Variants in FBXL7 observed in about 807,000 individuals in gnomAD.
FBXL7 encodes F-box/LRR-repeat protein 7.
A neutral mutation model predicts 38.3 loss-of-function variants in FBXL7; 12 were observed. The ratio of observed to expected loss-of-function variants is 0.31; its 90% confidence interval spans 0.20 to 0.51. FBXL7 has a LOEUF of 0.51. FBXL7 is among the 20% of genes least tolerant of loss of function. FBXL7 has a pLI of 0.98. For missense variants in FBXL7, 567 were observed against 676.4 expected (o/e 0.84, Z 1.79); for synonymous variants, 297 against 300.9 (o/e 0.99, Z 0.13).
intron 2 of FBXL7, among the ~76,000 whole-genome samples, chr5:15,710,629 T>G (rs1743835425): frequency 6.6e-6 from 1 of 152,210 alleles, no homozygotes; most frequent in South Asian, 2.1e-4. Flanking sequence ...CATTTTGTTT[T>G]GTGTGCCATA....
intron 2 of FBXL7, among the ~76,000 whole-genome samples, chr5:15,791,080 G>C (rs1012364708): frequency 6.9e-6 from 1 of 145,802 alleles, no homozygotes; most frequent in East Asian, 2.2e-4. Context: ...AAGGGGGGGG[G>C]GGGTTATTGC....
At chr5:15,787,440 G>A (rs1737160745) in intron 2 of FBXL7, among the ~76,000 whole-genome samples, 1 of 152,152 alleles carries the variant, frequency 6.6e-6, no homozygotes, top group African/African-American at 2.4e-5. Context: ...TGGGCCAGGA[G>A]GAGATTTCAG....
intron 2 of FBXL7, among the ~76,000 whole-genome samples, chr5:15,618,183 T>C (rs953457655): frequency 6.6e-6 from 1 of 152,162 alleles, no homozygotes; most frequent in Admixed American, 6.5e-5. Context: ...TTTGTCACAA[T>C]GTATTTTCTG....
rs1428809090 is a variant in FBXL7, at chr5:15,934,790, C to T, written c.740-1660C>T. 5.1e-4 allele frequency among the ~76,000 whole-genome samples: 78 copies of T among 152,170 alleles called. 1 individual carries two copies. ...TGGAAGACTCTTTTCCCTCTATAAA[C>T]CGCTCATTCATTCAACAGATACTTA... On this transcript the variant is annotated intron_variant, in intron 3 of 3. Transcript: ENST00000504595.
At chr5:15,855,429 AC>A (rs1418237763) in intron 2 of FBXL7, among the ~76,000 whole-genome samples, 3 of 152,128 alleles carry the variant, frequency 2.0e-5, no homozygotes, top group African/African-American at 7.2e-5. Flanking sequence ...CACAGTGGAC[AC>A]CCATACTTTT....
chr5:15,573,560 T>C (rs1738859241), intron 1 of FBXL7, among the ~76,000 whole-genome samples: 1 of 152,218 alleles, frequency 6.6e-6, no homozygotes, highest in African/African-American at 2.4e-5. Context: ...GAGGCATCAC[T>C]CAGTTTTACA....
rs563657942 is a variant in FBXL7 at position 15,939,233 on chromosome 5, G to A, written c.*2047G>A. On this transcript the variant is annotated 3_prime_UTR_variant, in exon 4 of 4. Transcript: ENST00000504595. ...TTAGCTAGGCCAGGATCTAGTGAAA[G>A]CCACAGAGTTTAAAACCATGAAAGA... is the stretch of plus-strand genomic sequence containing the variant. 1 of 394,634 alleles carries A rather than the reference G, an allele frequency of 2.5e-6. No homozygotes were observed. 24.4% of individuals were successfully genotyped at this position (394,634 alleles called of 1,614,324 possible).
In FBXL7 at chr5:15,927,949, A is replaced by C; in HGVS notation, c.187A>C (p.Asn63His). Residue 63 changes from asparagine (N) to histidine (H), a missense_variant, in exon 3 of 4, where the codon AAT becomes CAT. By Grantham distance (68) the Asn-to-His change is moderately conservative (BLOSUM62 1). Transcript: ENST00000504595. ...TPSPALICPPNLPGFQNGRGS... is the reference protein window; with the variant it reads ...TPSPALICPPHLPGFQNGRGS... ...CAGCCCAGCCCTGATATGTCCACCG[A>C]ATCTCCCAGGATTTCAGAATGGAAG... 1 of 1,566,470 alleles carries C rather than the reference A, an allele frequency of 6.4e-7. No individual in the cohort carries two copies. The highest frequency in any genetic ancestry group is 8.7e-7 in the Non-Finnish European group (1 of 1,154,682).
At position 15,712,686 on chromosome 5, in the gene FBXL7, A is replaced by G. The variant is rs115098497; in HGVS notation, c.127+96614A>G. The stretch of plus-strand genomic sequence containing the variant: ...AGCTACTGGCAATAAAATTTAAAAA[A>G]AAAAGAAAAGAAAAGGAAGCAAAGA... On this transcript the variant is annotated intron_variant, in intron 2 of 3. Coordinates refer to ENST00000504595, the MANE Select transcript of FBXL7 (RefSeq NM_012304.5). Among the ~76,000 whole-genome samples the G allele has an allele frequency of 6.7e-3, 1,015 of 152,174 alleles. 5 individuals carry two copies. The highest frequency in any genetic ancestry group is 0.021 in the African/African-American group (887 of 41,480).
chr5:15,880,714 T>C (rs1740412864), intron 2 of FBXL7, among the ~76,000 whole-genome samples: 1 of 63,090 alleles, frequency 1.6e-5, no homozygotes, highest in African/African-American at 6.2e-5. Flanking sequence ...ATAATATATA[T>C]ACTATATTAT....
chr5:15,751,309 A>C (rs1275553392), intron 2 of FBXL7, among the ~76,000 whole-genome samples: 4 of 152,180 alleles, frequency 2.6e-5, no homozygotes. Context: ...TTTGGGTTGC[A>C]TGAAATGGAC....
intron 2 of FBXL7, among the ~76,000 whole-genome samples, chr5:15,801,090 G>A (rs1737553174): frequency 6.6e-6 from 1 of 152,134 alleles, no homozygotes; most frequent in Non-Finnish European, 1.5e-5. Flanking sequence ...CTCTTAGGAT[G>A]TTCAACTGAT....
chr5:15,516,247 G>A (rs1435886794), intron 1 of FBXL7, among the ~76,000 whole-genome samples: 2 of 152,038 alleles, frequency 1.3e-5, no homozygotes, highest in East Asian at 3.8e-4. Flanking sequence ...GTATCATGCT[G>A]TATTTTTTCT....
At chr5:15,578,784 T>A (rs1262996100) in intron 1 of FBXL7, among the ~76,000 whole-genome samples, 1 of 152,242 alleles carries the variant, frequency 6.6e-6, no homozygotes, top group Non-Finnish European at 1.5e-5. Context: ...ACTTCTCCTG[T>A]CTCATCCCAT....
At chr5:15,562,023 G>A (rs967691297) in intron 1 of FBXL7, among the ~76,000 whole-genome samples, 2 of 151,974 alleles carry the variant, frequency 1.3e-5, no homozygotes, top group African/African-American at 4.8e-5. Context: ...AGATAATGCA[G>A]ATAAGAATAG....
chr5:15,826,822 TGAG>T (rs1299562628), intron 2 of FBXL7, among the ~76,000 whole-genome samples: 1 of 152,146 alleles, frequency 6.6e-6, no homozygotes, highest in Non-Finnish European at 1.5e-5. Flanking sequence ...AATGTTAAAA[TGAG>T]GAGAGTCTTG....
At chr5:15,876,341 A>G (rs530174390) in intron 2 of FBXL7, among the ~76,000 whole-genome samples, 4 of 152,186 alleles carry the variant, frequency 2.6e-5, no homozygotes, top group Admixed American at 2.6e-4. Context: ...TGGCACATGT[A>G]TATCTATGTA....
At chr5:15,515,978 A>T (rs1164390329) in intron 1 of FBXL7, among the ~76,000 whole-genome samples, 1 of 152,190 alleles carries the variant, frequency 6.6e-6, no homozygotes, top group East Asian at 1.9e-4. Context: ...TACTACGGGG[A>T]TCCAGGTTTT....
intron 2 of FBXL7, among the ~76,000 whole-genome samples, chr5:15,891,816 T>C (rs1243179703): frequency 6.6e-6 from 1 of 152,198 alleles, no homozygotes; most frequent in African/African-American, 2.4e-5. Context: ...ACGGACTAGC[T>C]ACAGTAGGAA....
Sources: gnomAD v4.1 joint callset for allele counts (sites outside exome capture counted in the v4.1 genomes callset) on GRCh38, gnomAD v4.1.1 for gene constraint, MANE v1.5 for transcripts, NCBI Gene and HGNC (gene_info 2026-07-23, HGNC 2026-07-21) for gene names.